Variants in KCNH5 observed in about 807,000 individuals in gnomAD.
The protein encoded by KCNH5 is potassium voltage-gated channel subfamily H member 5.
A neutral mutation model predicts 96.1 loss-of-function variants in KCNH5; 46 were observed. The ratio of observed to expected loss-of-function variants is 0.48; its 90% CI spans 0.38 to 0.61. KCNH5 has a LOEUF of 0.61. Among genes scored for constraint, KCNH5 ranks in the 20% least tolerant of loss-of-function variants. The probability of loss-of-function intolerance (pLI) is 0.00; values close to 1 mark genes in which losing one functional copy is unlikely to be tolerated. For missense variants in KCNH5, 907 were observed against 1,225.8 expected, an observed-to-expected ratio of 0.74 and a Z score of 3.88; for synonymous variants, 439 against 449.8, an observed-to-expected ratio of 0.98 and a Z score of 0.30.
chr14:62,734,823 T>A (rs1263416479), intron 10 of KCNH5, among the ~76,000 whole-genome samples: 1 of 152,148 alleles, frequency 6.6e-6, no homozygotes, highest in Non-Finnish European at 1.5e-5. Flanking sequence ...AAACTTAACA[T>A]CAATTTTTAT....
At chr14:62,955,869 CTG>C (rs1890094512) in intron 6 of KCNH5, among the ~76,000 whole-genome samples, 1 of 152,124 alleles carries the variant, frequency 6.6e-6, no homozygotes, top group Non-Finnish European at 1.5e-5. Context: ...CATGAGGACA[CTG>C]AAGATCAGAC....
chr14:62,799,268 A>C (rs540766575), intron 9 of KCNH5, among the ~76,000 whole-genome samples: 2 of 152,084 alleles, frequency 1.3e-5, no homozygotes, highest in Non-Finnish European at 2.9e-5. Flanking sequence ...TACCAGGGCA[A>C]ATCAAAAGGA....
At chr14:62,901,987 T>C (rs535735672) in intron 7 of KCNH5, among the ~76,000 whole-genome samples, 2 of 152,340 alleles carry the variant, frequency 1.3e-5, no homozygotes, top group East Asian at 1.9e-4. Flanking sequence ...GTGTGGCACA[T>C]GTTTTCATGT....
chr14:62,862,843 C>T (rs999499260), intron 7 of KCNH5, among the ~76,000 whole-genome samples: 3 of 152,146 alleles, frequency 2.0e-5, no homozygotes, highest in East Asian at 3.9e-4. Context: ...AGCAGAAGAA[C>T]CAATTGCTCA....
chr14:63,020,009 G>C (rs1052737242), intron 1 of KCNH5, among the ~76,000 whole-genome samples: 6 of 152,008 alleles, frequency 3.9e-5, no homozygotes, highest in Non-Finnish European at 7.4e-5. Flanking sequence ...AAATAAGCAA[G>C]TAACTTAAAC....
intron 7 of KCNH5, among the ~76,000 whole-genome samples, chr14:62,937,036 A>G (rs1283174339): frequency 2.6e-5 from 4 of 151,866 alleles, no homozygotes; most frequent in African/African-American, 9.7e-5. Context: ...AGGACAAACA[A>G]TTAGAAGGGA....
rs772485576 is a variant in KCNH5 at position 63,001,465 on chromosome 14, A to G, written c.305-6T>C. On this transcript the variant is annotated splice_polypyrimidine_tract_variant and splice_region_variant and intron_variant, in intron 3 of 10. Coordinates refer to ENST00000322893, the MANE Select transcript of KCNH5 (RefSeq NM_139318.5). Reference sequence around the variant, plus strand: ...ATAAAACCAAACAGGGGTTCCTGTAACAGAAAGAAGTTGGGGAAAGGACAT... The same window carrying G: ...ATAAAACCAAACAGGGGTTCCTGTAGCAGAAAGAAGTTGGGGAAAGGACAT... The G allele has an allele frequency of 2.5e-6, 4 of 1,607,642 alleles. No individual in the cohort carries two copies. The Admixed American group carries it at 6.8e-5, about 27-fold the overall frequency.
intron 10 of KCNH5, among the ~76,000 whole-genome samples, chr14:62,739,470 G>C (rs538277171): frequency 6.6e-6 from 1 of 152,138 alleles, no homozygotes; most frequent in South Asian, 2.1e-4. Flanking sequence ...TTGTGTGTTA[G>C]AGTATGTAGG....
intron 7 of KCNH5, among the ~76,000 whole-genome samples, chr14:62,890,499 T>A (rs1206487784): frequency 6.6e-6 from 1 of 150,460 alleles, no homozygotes; most frequent in Non-Finnish European, 1.5e-5. Context: ...ATCGAGACCA[T>A]CCCGGCTAAC....
chr14:63,016,804 A>C, intron 2 of KCNH5, 27 bp downstream of exon 2: 1 of 1,590,202 alleles, frequency 6.3e-7, no homozygotes, highest in Non-Finnish European at 8.5e-7. Context: ...ATTTCAGAAA[A>C]GATTACTTAG....
intron 1 of KCNH5, among the ~76,000 whole-genome samples, chr14:63,027,201 CA>C (rs1891539910): frequency 6.6e-6 from 1 of 151,806 alleles, no homozygotes; most frequent in Non-Finnish European, 1.5e-5. Context: ...AGGGTGGGGA[CA>C]TTGGGGAGAT....
chr14:62,824,193 T>C (rs887835293), intron 8 of KCNH5, among the ~76,000 whole-genome samples: 20 of 151,988 alleles, frequency 1.3e-4, no homozygotes, highest in Admixed American at 1.1e-3. Context: ...TGAGCAAAAA[T>C]TTCAGCAGTT....
At chr14:62,801,435 C>T (rs2139998988) in intron 9 of KCNH5, among the ~76,000 whole-genome samples, 1 of 144,544 alleles carries the variant, frequency 6.9e-6, no homozygotes, top group African/African-American at 2.5e-5. Flanking sequence ...CCTTTTATAT[C>T]TGTGGATTTC....
intron 7 of KCNH5, among the ~76,000 whole-genome samples, chr14:62,919,943 T>C (rs1032742442): frequency 6.6e-6 from 1 of 152,158 alleles, no homozygotes; most frequent in Non-Finnish European, 1.5e-5. Flanking sequence ...CCAGGATATC[T>C]GAGGTTGTCC....
At chr14:63,040,613 C>T (rs1167538931) in intron 1 of KCNH5, among the ~76,000 whole-genome samples, 1 of 152,110 alleles carries the variant, frequency 6.6e-6, no homozygotes, top group Non-Finnish European at 1.5e-5. Flanking sequence ...AACTTTATAA[C>T]AACAACAACC....
intron 10 of KCNH5, among the ~76,000 whole-genome samples, chr14:62,726,220 A>G (rs1265494535): frequency 2.0e-5 from 3 of 152,198 alleles, no homozygotes; most frequent in Non-Finnish European, 4.4e-5. Flanking sequence ...ACAGGAGAAA[A>G]TCTTCATAAT....
intron 10 of KCNH5, among the ~76,000 whole-genome samples, chr14:62,722,979 G>A (rs1484004099): frequency 6.6e-6 from 1 of 152,134 alleles, no homozygotes; most frequent in Non-Finnish European, 1.5e-5. Context: ...AGCTTGTAAT[G>A]CACTTTCAAA....
chr14:63,020,299 C>G (rs932862748), intron 1 of KCNH5, among the ~76,000 whole-genome samples: 1 of 151,996 alleles, frequency 6.6e-6, no homozygotes, highest in African/African-American at 2.4e-5. Flanking sequence ...AATTTCACTT[C>G]TAGGTATTTA....
chr14:62,781,992 T>C (rs1886228806), intron 9 of KCNH5, among the ~76,000 whole-genome samples: 1 of 152,240 alleles, frequency 6.6e-6, no homozygotes, highest in African/African-American at 2.4e-5. Context: ...ATTATAAAAG[T>C]ATTAATTTGG....
Sources: allele counts gnomAD v4.1 joint callset (sites outside exome capture counted in the v4.1 genomes callset), GRCh38; gene constraint gnomAD v4.1.1; transcripts MANE v1.5; gene names NCBI Gene and HGNC (gene_info 2026-07-23, HGNC 2026-07-21).